SULT1C4: variants seen among roughly 807,000 people sequenced by gnomAD.
The protein encoded by SULT1C4 is sulfotransferase 1C4.
A neutral mutation model predicts 34.8 loss-of-function variants in SULT1C4; 32 were observed. That is an observed-to-expected ratio of 0.92 (90% CI 0.69 to 1.23). The LOEUF (loss-of-function observed/expected upper bound fraction) is 1.23, where lower values mean the gene tolerates loss of function less well. Among genes scored for constraint, SULT1C4 ranks in the 50% most tolerant of loss-of-function variants. SULT1C4 has a pLI of 0.00. For missense variants in SULT1C4, 375 were observed against 365.9 expected (o/e 1.02, Z -0.20); for synonymous variants, 111 against 120.5 (o/e 0.92, Z 0.51).
intron 2 of SULT1C4, 190 bp downstream of exon 2, chr2:108,382,077 G>T (rs1476986497): frequency 2.1e-5 from 14 of 671,918 alleles, no homozygotes; most frequent in Non-Finnish European, 9.0e-6. Context: ...TTGTACAAAA[G>T]TGAGTTAAAT....
At position 108,388,506 on chromosome 2, in the gene SULT1C4, A is replaced by G. The variant is rs1471478604; in HGVS notation, c.*1074A>G. Among the ~76,000 whole-genome samples the G allele has an allele frequency of 6.6e-6, 1 of 152,172 alleles. No homozygotes were observed. Among genetic ancestry groups the G allele is most frequent in the East Asian group, 1.9e-4 (1 of 5,198 alleles). On this transcript the variant is annotated 3_prime_UTR_variant, in exon 7 of 7. Coordinates refer to ENST00000272452, the MANE Select transcript of SULT1C4 (RefSeq NM_006588.4). ...TTTTACTTCTTGCCTCAACTAGTGT[A>G]ATAGCTTCCTAACCCATTTCTCTCT...
intron 1 of SULT1C4, 114 bp from the exon 2 acceptor site, chr2:108,381,648 C>A (rs2104342239): frequency 8.7e-7 from 1 of 1,155,222 alleles, no homozygotes. Flanking sequence ...TCTCAAAAAA[C>A]AAAACAAAAC....
At chr2:108,384,014 G>T (rs559583376) in intron 5 of SULT1C4, among the ~76,000 whole-genome samples, 8 of 149,394 alleles carry the variant, frequency 5.4e-5, no homozygotes, top group Non-Finnish European at 7.4e-5. Flanking sequence ...GATTACAGTC[G>T]CCTGCCACCA....
At position 108,382,676 on chromosome 2, in the gene SULT1C4, G is replaced by A. The variant is rs1678441650; in HGVS notation, c.393+194G>A. On this transcript the variant is annotated intron_variant, in intron 3 of 6. Transcript: ENST00000272452. ...CACAGCATTTTGGGAGACTGAGATG[G>A]GTGGATCAGTTGAGGTCAGGGGTTC... 2.0e-5 allele frequency: 11 copies of A among 550,836 alleles called. No individual in the cohort carries two copies. The East Asian group carries it at 3.6e-4, about 18-fold the overall frequency. The allele number at this position is 550,836 out of a possible 1,614,324, so 34.1% of individuals were successfully genotyped here. A position where few individuals can be genotyped will look rare whatever the true frequency, so the allele number is the denominator to read the frequency against.
intron 4 of SULT1C4, 98 bp from the exon 5 acceptor site, chr2:108,383,318 T>G (rs984479387): frequency 6.3e-7 from 1 of 1,589,204 alleles, no homozygotes; most frequent in African/African-American, 1.4e-5. Flanking sequence ...CTCTGCCTTC[T>G]TTAATGGAAC....
intron 6 of SULT1C4, 106 bp downstream of exon 6, chr2:108,386,478 A>C (rs964544796): frequency 1.1e-5 from 10 of 897,566 alleles, no homozygotes; most frequent in Non-Finnish European, 1.5e-5. Context: ...ATCTGTAATA[A>C]ATGATTTGGG....
In SULT1C4 at chr2:108,382,497, G is replaced by T; in HGVS notation, c.393+15G>T. 1 of 1,608,358 alleles carries T rather than the reference G, an allele frequency of 6.2e-7. No homozygotes were observed. Among genetic ancestry groups the T allele is most frequent in the Non-Finnish European group, 8.5e-7 (1 of 1,175,032 alleles). Reference sequence around the variant, plus strand: ...AAAACTGTAAGGTAAAAAAGCAAAAGGAATTCAGAGTTGTACTCCTTAAAA... The same window carrying T: ...AAAACTGTAAGGTAAAAAAGCAAAATGAATTCAGAGTTGTACTCCTTAAAA... On this transcript the variant is annotated intron_variant, in intron 3 of 6. Coordinates refer to ENST00000272452, the MANE Select transcript of SULT1C4 (RefSeq NM_006588.4).
chr2:108,381,169 A>C (rs944180982), intron 1 of SULT1C4, among the ~76,000 whole-genome samples: 1 of 152,236 alleles, frequency 6.6e-6, no homozygotes, highest in East Asian at 1.9e-4. Context: ...CAGCTAAATA[A>C]ATAGAACAAT....
chr2:108,386,505 G>A (rs1188267341), intron 6 of SULT1C4, 133 bp downstream of exon 6: 4 of 686,720 alleles, frequency 5.8e-6, no homozygotes. Flanking sequence ...AAGTATTTAA[G>A]AAGCCACTGA....
chr2:108,386,397 A>G (rs755183523), intron 6 of SULT1C4, 25 bp downstream of exon 6: 14 of 1,389,314 alleles, frequency 1.0e-5, no homozygotes, highest in Non-Finnish European at 1.2e-5. Context: ...TTTTCATTAT[A>G]ATCTTAAAAG....
At position 108,387,635 on chromosome 2, in the gene SULT1C4, A is replaced by G; in HGVS notation, c.*203A>G. Reference sequence around the variant, plus strand: ...GGCAGCAGGGTGGCGACATGGAGAGAGGGAAGCTCAATAAATCACTAGGTA... The same window carrying G: ...GGCAGCAGGGTGGCGACATGGAGAGGGGGAAGCTCAATAAATCACTAGGTA... On this transcript the variant is annotated 3_prime_UTR_variant, in exon 7 of 7. Transcript: ENST00000272452. 1.1e-5 allele frequency: 6 copies of G among 538,692 alleles called. No homozygotes were observed. In the South Asian group the frequency reaches 1.5e-4, roughly 14 times the overall value. 33.4% of individuals were successfully genotyped at this position (538,692 alleles called of 1,614,324 possible).
In SULT1C4 at chr2:108,387,203, G is replaced by C. The variant is rs1034894048; in HGVS notation, c.797-117G>C. The C allele has an allele frequency of 6.8e-6, 5 of 735,980 alleles. No homozygotes were observed. The Admixed American group carries it at 1.1e-4, about 17-fold the overall frequency. 45.6% of individuals were successfully genotyped at this position (735,980 alleles called of 1,614,324 possible). On this transcript the variant is annotated intron_variant, in intron 6 of 6. Coordinates refer to ENST00000272452, the MANE Select transcript of SULT1C4 (RefSeq NM_006588.4). ...GACAGGATAGCAAGAGAAACGTTTT[G>C]TCCAATACTGCCCTTCCTAGAACAT...
At chr2:108,383,260 C>A (rs755758304) in intron 4 of SULT1C4, 41 bp downstream of exon 4, 4 of 1,605,388 alleles carry the variant, frequency 2.5e-6, no homozygotes, top group East Asian at 2.2e-5. Flanking sequence ...TTCTCAAAAT[C>A]TCCAAACACC....
At chr2:108,386,944 T>A (rs571032225) in intron 6 of SULT1C4, among the ~76,000 whole-genome samples, 1 of 152,328 alleles carries the variant, frequency 6.6e-6, no homozygotes, top group African/African-American at 2.4e-5. Context: ...AATGGTACCT[T>A]GGGCCTCCCA....
chr2:108,383,007 A>C, intron 3 of SULT1C4, 86 bp from the exon 4 acceptor site: 1 of 1,425,328 alleles, frequency 7.0e-7, no homozygotes. Flanking sequence ...CCCTAACATG[A>C]CTTGCCTGGG....
chr2:108,387,394 A>C lies in SULT1C4; in HGVS notation c.871A>C (p.Met291Leu). ...ERFDEDYKKK[M>L]TDTRLTFHFQ... ...ATTTGATGAAGATTACAAGAAGAAA[A>C]TGACTGATACCAGACTAACTTTCCA... The change falls in exon 7 of 7, where the codon ATG becomes CTG. Residue 291 changes from methionine (M) to leucine (L), a missense_variant. Met to Leu is a conservative substitution (Grantham distance 15, BLOSUM62 2). Transcript: ENST00000272452. 1 of 1,613,856 alleles carries C rather than the reference A, an allele frequency of 6.2e-7. No homozygotes were observed.
intron 1 of SULT1C4, among the ~76,000 whole-genome samples, chr2:108,380,284 CAG>C (rs1172202105): frequency 1.3e-5 from 2 of 152,050 alleles, no homozygotes; most frequent in African/African-American, 4.8e-5. Context: ...GAGGCCAAGA[CAG>C]GGGGATCTTT....
intron 1 of SULT1C4, among the ~76,000 whole-genome samples, chr2:108,379,774 A>G (rs1298974805): frequency 6.6e-6 from 1 of 152,226 alleles, no homozygotes; most frequent in Non-Finnish European, 1.5e-5. Flanking sequence ...TTTTAAAAGA[A>G]TAATACTCTG....
Position 108,383,526 on chromosome 2 carries a change from T to C in SULT1C4, c.615+16T>C. On this transcript the variant is annotated intron_variant, in intron 5 of 6. Transcript: ENST00000272452. ...CATGAAGAAGGTGAGCACAGTGCCATCTAAGGTGTACCCACTGGACCATAA... is the reference window on the plus strand; with the variant it reads ...CATGAAGAAGGTGAGCACAGTGCCACCTAAGGTGTACCCACTGGACCATAA... 6.2e-7 allele frequency: 1 copy of C among 1,609,986 alleles called. No individual in the cohort carries two copies.
Sources: gnomAD v4.1 joint callset for allele counts (sites outside exome capture counted in the v4.1 genomes callset) on GRCh38, gnomAD v4.1.1 for gene constraint, MANE v1.5 for transcripts, NCBI Gene and HGNC (gene_info 2026-07-23, HGNC 2026-07-21) for gene names.